Variants in ETV6 observed in about 807,000 individuals in gnomAD.
ETV6 encodes transcription factor ETV6.
In ETV6, 16 loss-of-function variants were observed where a neutral mutation model predicts 51.1. The observed-to-expected ratio is 0.31, with a 90% CI of 0.21 to 0.48. The LOEUF (loss-of-function observed/expected upper bound fraction) is 0.48, where lower values mean the gene tolerates loss of function less well. Among genes scored for constraint, ETV6 ranks in the 20% least tolerant of loss-of-function variants. The pLI is 0.99. For synonymous variants in ETV6, 240 were observed against 224.1 expected (o/e 1.07, Z -0.64); for missense variants, 458 against 594.8 (o/e 0.77, Z 2.39).
chr12:11,888,307 C>T (rs1346069460), intron 7 of ETV6, among the ~76,000 whole-genome samples: 1 of 152,118 alleles, frequency 6.6e-6, no homozygotes, highest in Admixed American at 6.6e-5. Context: ...TTCAGCTGCT[C>T]CAACACACAT....
rs145241740 is a variant in ETV6, at chr12:11,816,541, C to T, written c.164-22599C>T. Among the ~76,000 whole-genome samples the T allele has an allele frequency of 2.4e-3, 360 of 152,298 alleles. 2 individuals carry two copies. The highest frequency in any genetic ancestry group is 8.3e-3 in the African/African-American group (343 of 41,566). On this transcript the variant is annotated intron_variant, in intron 2 of 7. Transcript: ENST00000396373. The stretch of plus-strand genomic sequence containing the variant: ...GATTACAGGTGTGAGCCACTGCGCC[C>T]GGCCAGCTTTATGTTTTTAAAAGAT...
intron 5 of ETV6, among the ~76,000 whole-genome samples, chr12:11,883,276 C>CTTTTTTTTTTTTTTT (rs547786286): frequency 8.8e-5 from 7 of 79,118 alleles, no homozygotes; most frequent in East Asian, 3.9e-4. Context: ...ATGTCTTCTT[C>CTTTTTTTTTTTTTTT]TTTTTTTTTT....
intron 1 of ETV6, among the ~76,000 whole-genome samples, chr12:11,710,699 A>G (rs1038514384): frequency 6.6e-6 from 1 of 152,232 alleles, no homozygotes; most frequent in Non-Finnish European, 1.5e-5. Flanking sequence ...TAGCTAGGGC[A>G]TTTTTGGAGC....
chr12:11,844,431 A>C (rs1006516999), intron 3 of ETV6, among the ~76,000 whole-genome samples: 1 of 152,182 alleles, frequency 6.6e-6, no homozygotes, highest in African/African-American at 2.4e-5. Context: ...TTCCCTTTCC[A>C]ACCCACCAGA....
intron 2 of ETV6, among the ~76,000 whole-genome samples, chr12:11,774,875 T>G (rs1945296511): frequency 6.6e-6 from 1 of 152,170 alleles, no homozygotes; most frequent in South Asian, 2.1e-4. Context: ...CCCCAGGAAT[T>G]CTGAGTTTAT....
chr12:11,751,334 T>G (rs1866022863), intron 1 of ETV6: 2 of 518,660 alleles, frequency 3.9e-6, no homozygotes, highest in South Asian at 1.4e-5. Flanking sequence ...GATTTTCTTT[T>G]GCTCTTGAGT....
At chr12:11,765,833 C>G (rs1183620019) in intron 2 of ETV6, among the ~76,000 whole-genome samples, 1 of 152,160 alleles carries the variant, frequency 6.6e-6, no homozygotes, top group African/African-American at 2.4e-5. Context: ...AATGCTGCAG[C>G]CTTTCTGCCA....
chr12:11,691,396 T>C (rs964258989), intron 1 of ETV6, among the ~76,000 whole-genome samples: 11 of 152,170 alleles, frequency 7.2e-5, no homozygotes, highest in Non-Finnish European at 1.5e-4. Context: ...TCTCCCTTCT[T>C]TTCTCTACCC....
intron 3 of ETV6, among the ~76,000 whole-genome samples, chr12:11,842,081 CAAAAA>C (rs35056557): frequency 6.0e-5 from 5 of 83,560 alleles, no homozygotes; most frequent in Non-Finnish European, 7.5e-5. Flanking sequence ...GACTCCGTCT[CAAAAA>C]AAAAAAAAAA....
chr12:11,734,020 A>G (rs970456256), intron 1 of ETV6, among the ~76,000 whole-genome samples: 1 of 152,232 alleles, frequency 6.6e-6, no homozygotes, highest in South Asian at 2.1e-4. Flanking sequence ...TCAAGTATCT[A>G]TCCAATCTAG....
intron 2 of ETV6, among the ~76,000 whole-genome samples, chr12:11,826,085 A>G (rs1266750029): frequency 6.6e-6 from 1 of 152,010 alleles, no homozygotes; most frequent in African/African-American, 2.4e-5. Context: ...GTCCTCTCAC[A>G]TTGGCTTCCC....
chr12:11,766,599 C>T (rs1000050644), intron 2 of ETV6, among the ~76,000 whole-genome samples: 7 of 152,200 alleles, frequency 4.6e-5, no homozygotes, highest in African/African-American at 7.2e-5. Flanking sequence ...GCAGCCAGGC[C>T]GGGAGCCTGT....
Position 11,864,211 on chromosome 12 carries a change from C to T in ETV6, c.464-5213C>T, listed in dbSNP as rs1565557202. 2.0e-5 allele frequency among the ~76,000 whole-genome samples: 3 copies of T among 152,216 alleles called. No individual in the cohort carries two copies. The South Asian group carries it at 6.2e-4, about 32-fold the overall frequency. ...TACCCTTGGCATGAAAGTTCTTCCT[C>T]TCCTGGTCCTCCCAGACTTCCTAAG... On this transcript the variant is annotated intron_variant, in intron 4 of 7. Coordinates refer to ENST00000396373, the MANE Select transcript of ETV6 (RefSeq NM_001987.5).
intron 1 of ETV6, among the ~76,000 whole-genome samples, chr12:11,706,351 G>A (rs750414668): frequency 3.3e-5 from 5 of 152,184 alleles, no homozygotes; most frequent in Non-Finnish European, 5.9e-5. Context: ...TTAGTAAAGG[G>A]CAGAGCAGGG....
chr12:11,654,241 G>C (rs982638131), intron 1 of ETV6, among the ~76,000 whole-genome samples: 5 of 152,196 alleles, frequency 3.3e-5, no homozygotes, highest in Admixed American at 6.5e-5. Flanking sequence ...AGATTAGCAG[G>C]CTTCTAAGTG....
intron 1 of ETV6, among the ~76,000 whole-genome samples, chr12:11,731,884 C>G (rs1865606470): frequency 1.3e-5 from 2 of 152,260 alleles, no homozygotes; most frequent in South Asian, 2.1e-4. Flanking sequence ...AAAATGTGAT[C>G]CTACTGAAGG....
chr12:11,660,194 CA>C (rs1272704158), intron 1 of ETV6, among the ~76,000 whole-genome samples: 4 of 151,642 alleles, frequency 2.6e-5, no homozygotes, highest in Admixed American at 1.3e-4. Flanking sequence ...TATATATCAA[CA>C]AAAAAAATCA....
chr12:11,768,909 A>T, intron 2 of ETV6: 1 of 480,606 alleles, frequency 2.1e-6, no homozygotes, highest in Non-Finnish European at 4.2e-6. Context: ...ATTCCTTGGA[A>T]ATACCATTTG....
intron 2 of ETV6, among the ~76,000 whole-genome samples, chr12:11,789,786 C>T (rs2856329): frequency 0.37 from 56,537 of 151,976 alleles, 11,498 homozygotes; most frequent in African/African-American, 0.53. Flanking sequence ...TTGAGAAGAC[C>T]ATGCCATTCC....
Sources: gnomAD v4.1 joint callset for allele counts (sites outside exome capture counted in the v4.1 genomes callset) on GRCh38, gnomAD v4.1.1 for gene constraint, MANE v1.5 for transcripts, NCBI Gene and HGNC (gene_info 2026-07-23, HGNC 2026-07-21) for gene names.